ADARB2: variants seen among roughly 807,000 people sequenced by gnomAD.
ADARB2 encodes the protein inactive double-stranded RNA-specific editase B2.
A neutral mutation model predicts 62.2 loss-of-function variants in ADARB2; 25 were observed. The observed-to-expected ratio is 0.40, with a 90% CI of 0.29 to 0.56. The LOEUF (loss-of-function observed/expected upper bound fraction) is 0.56. Ranked by LOEUF, ADARB2 falls within the 20% of genes least tolerant of loss-of-function variation. The pLI, the probability that ADARB2 is intolerant of heterozygous loss-of-function variation, is 0.43. For missense variants in ADARB2, 1,071 were observed against 1,077.4 expected, an observed-to-expected ratio of 0.99 and a Z score of 0.08; for synonymous variants, 572 against 500.8, an observed-to-expected ratio of 1.14 and a Z score of -1.90.
rs950102903 is a variant in ADARB2 at position 1,179,161 on chromosome 10, C to T, written c.*4032G>A. ...AATAACTATTCTGGGCATTGATATCCTCTGTATTTACTGTTTATGGCTCTC... is the reference window on the plus strand; with the variant it reads ...AATAACTATTCTGGGCATTGATATCTTCTGTATTTACTGTTTATGGCTCTC... On this transcript the variant is annotated 3_prime_UTR_variant, in exon 10 of 10. Coordinates refer to ENST00000381312, the MANE Select transcript of ADARB2 (RefSeq NM_018702.4). 6.6e-6 allele frequency: 1 copy of T among 151,836 alleles called. No individual in the cohort carries two copies. The highest frequency in any genetic ancestry group is 1.5e-5 in the Non-Finnish European group (1 of 68,006). 9.4% of individuals were successfully genotyped at this position (151,836 alleles called of 1,614,324 possible).
intron 1 of ADARB2, among the ~76,000 whole-genome samples, chr10:1,494,389 T>C (rs1831662652): frequency 6.6e-6 from 1 of 152,180 alleles, no homozygotes; most frequent in Admixed American, 6.5e-5. Context: ...GCATAGATGG[T>C]AAATGGAAAT....
intron 1 of ADARB2, among the ~76,000 whole-genome samples, chr10:1,668,338 A>T: frequency 6.6e-6 from 1 of 152,248 alleles, no homozygotes; most frequent in Admixed American, 6.5e-5. Flanking sequence ...GGAATGAGGC[A>T]CAAAGGACAT....
At chr10:1,325,153 G>T (rs1467824524) in intron 3 of ADARB2, among the ~76,000 whole-genome samples, 1 of 152,184 alleles carries the variant, frequency 6.6e-6, no homozygotes, top group Non-Finnish European at 1.5e-5. Flanking sequence ...CTGCTCAGGG[G>T]TTCTGCAAAG....
At chr10:1,280,139 C>T (rs1157547432) in intron 3 of ADARB2, among the ~76,000 whole-genome samples, 6 of 151,946 alleles carry the variant, frequency 3.9e-5, no homozygotes, top group Admixed American at 3.9e-4. Context: ...AACACTAATC[C>T]CATCAGATCA....
At chr10:1,394,340 C>T (rs79146961) in intron 1 of ADARB2, among the ~76,000 whole-genome samples, 1 of 152,200 alleles carries the variant, frequency 6.6e-6, no homozygotes, top group Admixed American at 6.5e-5. Context: ...GGGGCCCAGC[C>T]TCAAGGCCCG....
chr10:1,701,730 CGCAA>C (rs1834822364), intron 1 of ADARB2, among the ~76,000 whole-genome samples: 1 of 30,898 alleles, frequency 3.2e-5, no homozygotes, highest in Non-Finnish European at 7.1e-5. Context: ...CGCCAATACA[CGCAA>C]TCCCACTCCA....
At chr10:1,211,041 G>T (rs1430363580) in intron 7 of ADARB2, among the ~76,000 whole-genome samples, 5 of 152,138 alleles carry the variant, frequency 3.3e-5, no homozygotes, top group Non-Finnish European at 7.4e-5. Context: ...GCTGTGAGGG[G>T]TTCAAAACCC....
At chr10:1,687,000 C>T (rs1834604640) in intron 1 of ADARB2, among the ~76,000 whole-genome samples, 2 of 150,858 alleles carry the variant, frequency 1.3e-5, no homozygotes, top group South Asian at 4.2e-4. Flanking sequence ...GCCTGAGTCC[C>T]TCTTGCCTCC....
intron 4 of ADARB2, among the ~76,000 whole-genome samples, chr10:1,266,299 C>T (rs936054595): frequency 2.0e-5 from 3 of 152,212 alleles, no homozygotes; most frequent in East Asian, 1.9e-4. Context: ...GGTGCAACAG[C>T]GCATGTGCTC....
chr10:1,310,118 T>TAA (rs1831675157), intron 3 of ADARB2, among the ~76,000 whole-genome samples: 1 of 152,218 alleles, frequency 6.6e-6, no homozygotes, highest in Non-Finnish European at 1.5e-5. Flanking sequence ...GCTGCTTTGT[T>TAA]TATTAAGTCA....
At chr10:1,661,920 G>A (rs1177146299) in intron 1 of ADARB2, among the ~76,000 whole-genome samples, 2 of 152,172 alleles carry the variant, frequency 1.3e-5, no homozygotes, top group Non-Finnish European at 2.9e-5. Context: ...GGGGCTAGGA[G>A]CTATAAATCA....
At chr10:1,326,858 T>G (rs373849518) in intron 3 of ADARB2, among the ~76,000 whole-genome samples, 3,007 of 11,410 alleles carry the variant, frequency 0.26, 207 homozygotes, top group African/African-American at 0.33. Flanking sequence ...GCCTCCCCAC[T>G]GCCCAGCGCC....
chr10:1,718,458 T>C (rs1211443894), intron 1 of ADARB2, among the ~76,000 whole-genome samples: 1 of 152,186 alleles, frequency 6.6e-6, no homozygotes, highest in Admixed American at 6.5e-5. Context: ...CCCCCAGGGC[T>C]GACCCGAAAT....
chr10:1,669,392 C>T (rs1266536903), intron 1 of ADARB2, among the ~76,000 whole-genome samples: 1 of 151,152 alleles, frequency 6.6e-6, no homozygotes, highest in Non-Finnish European at 1.5e-5. Context: ...GTGAAAGCAG[C>T]ACACACATAA....
chr10:1,414,353 C>G (rs1056688994), intron 1 of ADARB2, among the ~76,000 whole-genome samples: 1 of 152,188 alleles, frequency 6.6e-6, no homozygotes, highest in African/African-American at 2.4e-5. Flanking sequence ...ACACCAAGCT[C>G]TGTGCTAAAG....
chr10:1,351,194 A>G (rs1485353864), intron 3 of ADARB2, among the ~76,000 whole-genome samples: 2 of 151,944 alleles, frequency 1.3e-5, no homozygotes, highest in Non-Finnish European at 2.9e-5. Context: ...TCCTTCCCAA[A>G]TCTTCTCGGC....
intron 4 of ADARB2, among the ~76,000 whole-genome samples, chr10:1,266,511 T>TGGGGGGGG (rs782182369): frequency 1.6e-4 from 21 of 128,448 alleles, no homozygotes; most frequent in African/African-American, 4.1e-4. Context: ...TGGTGGGGGG[T>TGGGGGGGG]GGGGGGGGGG....
chr10:1,303,322 T>C (rs943556916), intron 3 of ADARB2, among the ~76,000 whole-genome samples: 9 of 151,822 alleles, frequency 5.9e-5, no homozygotes, highest in African/African-American at 2.2e-4. Context: ...AAGGAAAGTT[T>C]AGAGAAAAAA....
chr10:1,636,206 C>T (rs1253821105), intron 1 of ADARB2, among the ~76,000 whole-genome samples: 1 of 152,186 alleles, frequency 6.6e-6, no homozygotes, highest in East Asian at 1.9e-4. Context: ...CTGGTCTAGG[C>T]AGACTGACTT....
Sources: gnomAD v4.1 joint callset for allele counts (sites outside exome capture counted in the v4.1 genomes callset) on GRCh38, gnomAD v4.1.1 for gene constraint, MANE v1.5 for transcripts, NCBI Gene and HGNC (gene_info 2026-07-23, HGNC 2026-07-21) for gene names.